Variants in SGCZ observed in about 807,000 individuals in gnomAD.
The protein encoded by SGCZ is sarcoglycan zeta.
SGCZ carries 40 observed loss-of-function variants against 41.3 expected under a neutral mutation model. The observed-to-expected ratio is 0.97, with a 90% CI of 0.75 to 1.26. SGCZ has a LOEUF of 1.26. Ranked by LOEUF, SGCZ falls within the 50% of genes most tolerant of loss-of-function variation. The pLI, the probability that SGCZ is intolerant of heterozygous loss-of-function variation, is 0.00. For synonymous variants in SGCZ, 206 were observed against 137.5 expected, an observed-to-expected ratio of 1.50 and a Z score of -3.49; for missense variants, 552 against 369.8, an observed-to-expected ratio of 1.49 and a Z score of -4.04.
At chr8:14,823,094 T>C (rs1802170352) in intron 1 of SGCZ, among the ~76,000 whole-genome samples, 1 of 149,088 alleles carries the variant, frequency 6.7e-6, no homozygotes, top group South Asian at 2.1e-4. Context: ...TGTGTAACTT[T>C]CGTGCAAAAC....
At chr8:14,798,699 T>A (rs893452790) in intron 1 of SGCZ, among the ~76,000 whole-genome samples, 1 of 147,994 alleles carries the variant, frequency 6.8e-6, no homozygotes, top group Admixed American at 6.9e-5. Context: ...GAGTATGAAG[T>A]AAAATGTACC....
intron 2 of SGCZ, among the ~76,000 whole-genome samples, chr8:14,511,953 G>A (rs964657833): frequency 6.6e-6 from 1 of 152,052 alleles, no homozygotes; most frequent in Non-Finnish European, 1.5e-5. Flanking sequence ...ATATAATAAA[G>A]GTTGGAAATA....
intron 3 of SGCZ, among the ~76,000 whole-genome samples, chr8:14,299,727 T>A (rs11203596): frequency 0.94 from 143,594 of 151,970 alleles, 68,273 homozygotes; most frequent in Non-Finnish European, 1. Context: ...ACCAAATACA[T>A]CCACTTAAAA....
chr8:14,277,535 T>C (rs1019085475), intron 3 of SGCZ, among the ~76,000 whole-genome samples: 5 of 152,184 alleles, frequency 3.3e-5, no homozygotes, highest in African/African-American at 1.2e-4. Context: ...CTTTTTATTG[T>C]AATCAATTAA....
At chr8:15,162,342 A>C (rs967415111) in intron 1 of SGCZ, among the ~76,000 whole-genome samples, 2 of 152,184 alleles carry the variant, frequency 1.3e-5, no homozygotes, top group Non-Finnish European at 2.9e-5. Flanking sequence ...CCCACCTCTA[A>C]CCCAAAGGAA....
chr8:14,948,423 G>C (rs971196097), intron 1 of SGCZ, among the ~76,000 whole-genome samples: 4 of 151,870 alleles, frequency 2.6e-5, no homozygotes, highest in African/African-American at 9.7e-5. Flanking sequence ...TGTTTGAATG[G>C]AAAACTACTT....
chr8:14,214,455 T>G (rs1321410808), intron 4 of SGCZ, among the ~76,000 whole-genome samples: 1 of 152,110 alleles, frequency 6.6e-6, no homozygotes, highest in Non-Finnish European at 1.5e-5. Flanking sequence ...GGTCCATCAA[T>G]AGTGACAAAT....
chr8:15,093,386 C>T (rs4831679), intron 1 of SGCZ, among the ~76,000 whole-genome samples: 117,653 of 152,108 alleles, frequency 0.77, 46,403 homozygotes, highest in Non-Finnish European at 0.86. Flanking sequence ...TATTCTTCTA[C>T]ATTACGTCCA....
chr8:14,386,128 C>T (rs148333705), intron 2 of SGCZ, among the ~76,000 whole-genome samples: 296 of 152,024 alleles, frequency 1.9e-3, no homozygotes, highest in African/African-American at 6.5e-3. Context: ...GCAGAATCCA[C>T]AAATACAGAG....
At chr8:14,934,504 GA>G (rs1800021430) in intron 1 of SGCZ, among the ~76,000 whole-genome samples, 1 of 151,622 alleles carries the variant, frequency 6.6e-6, no homozygotes, top group Non-Finnish European at 1.5e-5. Context: ...CACAGATGAA[GA>G]TATAATTAGC....
intron 1 of SGCZ, among the ~76,000 whole-genome samples, chr8:15,162,317 G>C (rs268414): frequency 0.91 from 138,749 of 152,252 alleles, 63,236 homozygotes; most frequent in East Asian, 1. Flanking sequence ...CAAAAGTTCT[G>C]TGGCCAGCAC....
intron 2 of SGCZ, among the ~76,000 whole-genome samples, chr8:14,435,851 A>C (rs941356206): frequency 2.0e-5 from 3 of 152,252 alleles, no homozygotes; most frequent in African/African-American, 7.2e-5. Flanking sequence ...TGCTCTAGCC[A>C]ACATAAAAAG....
chr8:14,333,766 C>T (rs1802415775), intron 2 of SGCZ, among the ~76,000 whole-genome samples: 2 of 151,856 alleles, frequency 1.3e-5, no homozygotes, highest in South Asian at 2.1e-4. Flanking sequence ...TTAAATACAC[C>T]AGGGAAATAC....
At chr8:14,834,015 T>C (rs1417605218) in intron 1 of SGCZ, among the ~76,000 whole-genome samples, 2 of 152,184 alleles carry the variant, frequency 1.3e-5, no homozygotes, top group African/African-American at 2.4e-5. Flanking sequence ...TAAAATAGTA[T>C]AATTGTGTTC....
At chr8:14,878,198 C>CTTTTTTTT (rs540663370) in intron 1 of SGCZ, among the ~76,000 whole-genome samples, 1 of 141,804 alleles carries the variant, frequency 7.1e-6, no homozygotes. Flanking sequence ...TTCTTTTTTT[C>CTTTTTTTT]TTTTTTTTTT....
chr8:14,978,777 C>T (rs997794909), intron 1 of SGCZ, among the ~76,000 whole-genome samples: 2 of 148,488 alleles, frequency 1.3e-5, no homozygotes, highest in Middle Eastern at 3.5e-3. Flanking sequence ...GACGGATTTC[C>T]TGCCATCAGA....
intron 4 of SGCZ, among the ~76,000 whole-genome samples, chr8:14,221,320 TATAA>T (rs1193778367): frequency 6.6e-6 from 1 of 152,230 alleles, no homozygotes; most frequent in Non-Finnish European, 1.5e-5. Context: ...TGCCCTTACG[TATAA>T]ATTTTAAATG....
chr8:14,098,635 G>T (rs1432772183), intron 7 of SGCZ, among the ~76,000 whole-genome samples: 1 of 152,162 alleles, frequency 6.6e-6, no homozygotes, highest in Non-Finnish European at 1.5e-5. Context: ...TAAGTCTACA[G>T]GCTGGGAGTT....
intron 4 of SGCZ, among the ~76,000 whole-genome samples, chr8:14,185,779 G>T (rs944409451): frequency 6.6e-6 from 1 of 152,124 alleles, no homozygotes; most frequent in African/African-American, 2.4e-5. Context: ...CTTAAACTGT[G>T]TTGTATGTAA....
Sources: allele counts gnomAD v4.1 joint callset (sites outside exome capture counted in the v4.1 genomes callset), GRCh38; gene constraint gnomAD v4.1.1; transcripts MANE v1.5; gene names NCBI Gene and HGNC (gene_info 2026-07-23, HGNC 2026-07-21).